Variants in VPS72 observed in about 807,000 individuals in gnomAD.
The protein encoded by VPS72 is vacuolar protein sorting-associated protein 72 homolog.
In VPS72, 27 loss-of-function variants were observed where a neutral mutation model predicts 38.9. The ratio of observed to expected loss-of-function variants is 0.69; its 90% CI spans 0.51 to 0.96. The LOEUF (loss-of-function observed/expected upper bound fraction) is 0.96, where lower values mean the gene tolerates loss of function less well. Ranked by LOEUF, VPS72 falls within the 40% of genes least tolerant of loss-of-function variation. The probability of loss-of-function intolerance (pLI) is 0.00; values close to 1 mark genes in which losing one functional copy is unlikely to be tolerated. For synonymous variants in VPS72, 173 were observed against 186.3 expected, an observed-to-expected ratio of 0.93 and a Z score of 0.58; for missense variants, 360 against 479.5, an observed-to-expected ratio of 0.75 and a Z score of 2.33.
rs1252438179 is a variant in VPS72 at position 151,176,696 on chromosome 1, G to C, written c.1043C>G (p.Pro348Arg). ...GGCTCGGGGCCCAGAGCCAGGGAGG[G>C]GCTCAGGAGGTGGCGGGCCGGGGCC... ...ALGPGPPPPE[P>R]LPGSGPRALR... Residue 348 changes from proline to arginine, a missense_variant, in exon 6 of 6, where the codon CCC (proline) becomes CGC (arginine). Around this residue, in one of 2 missense-constraint regions of VPS72, gnomAD observed 294 missense variants for 356.3 expected, o/e 0.83. Transcript: ENST00000368892. 1.2e-6 allele frequency: 2 copies of C among 1,614,134 alleles called. No individual in the cohort carries two copies. Among genetic ancestry groups the C allele is most frequent in the East Asian group, 4.5e-5 (2 of 44,886 alleles).
Position 151,184,626 on chromosome 1 carries a change from C to T in VPS72, c.386-133G>A, listed in dbSNP as rs959605587. ...TTTGAGATGGAATCTCGCTCTGTCG[C>T]CCAGGCTGGAGTACAGTGGCACGAT... On this transcript the variant is annotated intron_variant, in intron 3 of 5. Transcript: ENST00000368892. 15 of 1,036,460 alleles carry T rather than the reference C, an allele frequency of 1.4e-5. No homozygotes were observed. In the African/African-American group the frequency reaches 2.5e-4, roughly 17 times the overall value. The allele number at this position is 1,036,460 out of a possible 1,614,324, so 64.2% of individuals were successfully genotyped here.
intron 1 of VPS72, among the ~76,000 whole-genome samples, chr1:151,186,327 G>A (rs1380128133): frequency 6.6e-6 from 1 of 152,022 alleles, no homozygotes; most frequent in African/African-American, 2.4e-5. Flanking sequence ...GGGAGGCCGA[G>A]GTGGGCAGAT....
In VPS72 at chr1:151,177,977, C is replaced by G. The variant is rs1168206420; in HGVS notation, c.707+24G>C. The G allele has an allele frequency of 1.9e-6, 3 of 1,610,944 alleles. No individual in the cohort carries two copies. In the African/African-American group the frequency reaches 4.0e-5, roughly 22 times the overall value. ...AGAACATGAGCTGAACACACAATCT[C>G]TTTTCCTCTTGAGATTCACTCACCC... On this transcript the variant is annotated intron_variant, in intron 5 of 5. Coordinates refer to ENST00000368892, the MANE Select transcript of VPS72 (RefSeq NM_005997.3).
At chr1:151,188,847 T>C (rs1684403608) in intron 1 of VPS72, among the ~76,000 whole-genome samples, 2 of 152,210 alleles carry the variant, frequency 1.3e-5, no homozygotes, top group Non-Finnish European at 2.9e-5. Context: ...TTGTTTGTTT[T>C]TGAGACGGAG....
At chr1:151,189,388 C>T (rs1684414699) in intron 1 of VPS72, among the ~76,000 whole-genome samples, 1 of 152,222 alleles carries the variant, frequency 6.6e-6, no homozygotes, top group African/African-American at 2.4e-5. Context: ...CAGACCATCT[C>T]TAACTTTATA....
In VPS72 at chr1:151,176,645, C is replaced by A; in HGVS notation, c.1094G>T (p.Ter365LeuextTer4). ...RALRQKIVIK[*>L] Reference sequence around the variant, plus strand: ...AGTTTCTGAGGACTAGACATCTCTTCATTTAATGACAATTTTCTGGCGCAA... The same window carrying A: ...AGTTTCTGAGGACTAGACATCTCTTAATTTAATGACAATTTTCTGGCGCAA... Residue 365 changes from the stop codon to leucine, a stop_lost, in exon 6 of 6, where the codon TGA (stop) becomes TTA (leucine). Coordinates refer to ENST00000368892, the MANE Select transcript of VPS72 (RefSeq NM_005997.3). The A allele has an allele frequency of 6.2e-7, 1 of 1,613,110 alleles. No homozygotes were observed. The highest frequency in any genetic ancestry group is 8.5e-7 in the Non-Finnish European group (1 of 1,179,706).
Position 151,176,586 on chromosome 1 carries a change from G to A in VPS72, c.*58C>T, listed in dbSNP as rs1025783437. 45 of 1,567,996 alleles carry A rather than the reference G, an allele frequency of 2.9e-5. No homozygotes were observed. The East Asian group carries it at 3.2e-4, about 11-fold the overall frequency. ...AAGGGGAGAAGCAGGGAGAAGAAAC[G>A]GAACAGCAAGAGCCCCAATCAGGGC... On this transcript the variant is annotated 3_prime_UTR_variant, in exon 6 of 6. Coordinates refer to ENST00000368892, the MANE Select transcript of VPS72 (RefSeq NM_005997.3).
chr1:151,182,989 T>C (rs1434246539), intron 4 of VPS72, among the ~76,000 whole-genome samples: 2 of 152,186 alleles, frequency 1.3e-5, no homozygotes, highest in Admixed American at 1.3e-4. Context: ...GAACACCAGA[T>C]TTGCATATTT....
rs1336761876 is a variant in VPS72, at chr1:151,176,622, T to A, written c.*22A>T. The A allele has an allele frequency of 3.1e-6, 5 of 1,608,384 alleles. No individual in the cohort carries two copies. The highest frequency in any genetic ancestry group is 4.2e-6 in the Non-Finnish European group (5 of 1,177,114). On this transcript the variant is annotated 3_prime_UTR_variant, in exon 6 of 6. Transcript: ENST00000368892. ...AGCCCCAATCAGGGCAGGAAAGAAG[T>A]TTCTGAGGACTAGACATCTCTTCAT...
intron 5 of VPS72, among the ~76,000 whole-genome samples, 178 bp downstream of exon 5, chr1:151,177,823 A>T (rs966389990): frequency 6.6e-6 from 1 of 151,866 alleles, no homozygotes; most frequent in Admixed American, 6.6e-5. Context: ...AGCCTAGGTG[A>T]CAGAGCAGCA....
chr1:151,178,344 T>G, intron 4 of VPS72, among the ~76,000 whole-genome samples, 199 bp from the exon 5 acceptor site: 1 of 152,326 alleles, frequency 6.6e-6, no homozygotes, highest in East Asian at 1.9e-4. Flanking sequence ...TTTCTTGACA[T>G]CCTCTCTGCT....
rs760213998 is a variant in VPS72 at position 151,176,965 on chromosome 1, A to AG, written c.773dup (p.Ala259CysfsTer11). 6.2e-7 allele frequency: 1 copy of AG among 1,608,934 alleles called. No homozygotes were observed. Among genetic ancestry groups the AG allele is most frequent in the Non-Finnish European group, 8.5e-7 (1 of 1,176,482 alleles). On this transcript the variant is annotated frameshift_variant, in exon 6 of 6. Transcript: ENST00000368892. LOFTEE classifies it high-confidence loss of function. ...TGATGAAGGTACGTGAGCAGCGAGC[A>AG]GGGGGGTTGACGGGTCCAGTCCCAG...
chr1:151,183,653 G>A (rs775483257), intron 4 of VPS72, among the ~76,000 whole-genome samples: 1 of 151,796 alleles, frequency 6.6e-6, no homozygotes, highest in Non-Finnish European at 1.5e-5. Flanking sequence ...GTAGAGACAG[G>A]GTTTCACCAT....
At chr1:151,181,974 C>T (rs978854224) in intron 4 of VPS72, among the ~76,000 whole-genome samples, 2 of 152,214 alleles carry the variant, frequency 1.3e-5, no homozygotes, top group African/African-American at 4.8e-5. Context: ...CTTCCTTGGC[C>T]TCCCAAAGTG....
Position 151,185,795 on chromosome 1 carries a change from T to C in VPS72, c.270+3A>G, listed in dbSNP as rs775748824. The C allele has an allele frequency of 6.2e-7, 1 of 1,614,170 alleles. No individual in the cohort carries two copies. Among genetic ancestry groups the C allele is most frequent in the East Asian group, 2.2e-5 (1 of 44,888 alleles). On this transcript the variant is annotated splice_donor_region_variant and intron_variant, in intron 2 of 5. Coordinates refer to ENST00000368892, the MANE Select transcript of VPS72 (RefSeq NM_005997.3). ...TCCAAGACAACTAGGACTCCCCCTGTACCTTATAGGCCTTGGTGACTACTC... is the reference window on the plus strand; with the variant it reads ...TCCAAGACAACTAGGACTCCCCCTGCACCTTATAGGCCTTGGTGACTACTC...
At chr1:151,184,155 T>C (rs587645574) in intron 4 of VPS72, among the ~76,000 whole-genome samples, 162 bp downstream of exon 4, 1 of 152,358 alleles carries the variant, frequency 6.6e-6, no homozygotes, top group African/African-American at 2.4e-5. Flanking sequence ...TGCTCATAAC[T>C]GCCTAGACTC....
At chr1:151,184,598 T>C (rs1300888874) in intron 3 of VPS72, 105 bp from the exon 4 acceptor site, 22 of 1,286,666 alleles carry the variant, frequency 1.7e-5, no homozygotes, top group Non-Finnish European at 2.3e-5. Context: ...TTCTTTTTTT[T>C]TTTTTGAGAT....
At chr1:151,177,082 C>G (rs1423125970) in intron 5 of VPS72, 51 bp from the exon 6 acceptor site, 1 of 1,493,122 alleles carries the variant, frequency 6.7e-7, no homozygotes, top group Non-Finnish European at 8.9e-7. Flanking sequence ...GAGAAGACAA[C>G]AGATACAGAA....
At chr1:151,177,808 A>G (rs1684149700) in intron 5 of VPS72, among the ~76,000 whole-genome samples, 193 bp downstream of exon 5, 1 of 151,832 alleles carries the variant, frequency 6.6e-6, no homozygotes, top group South Asian at 2.1e-4. Flanking sequence ...GCACCACTGC[A>G]TTCCAGCCTA....
Sources: allele counts gnomAD v4.1 joint callset (sites outside exome capture counted in the v4.1 genomes callset), GRCh38; gene constraint gnomAD v4.1.1; regional missense constraint gnomAD v4.1.1; transcripts MANE v1.5; gene names NCBI Gene and HGNC (gene_info 2026-07-23, HGNC 2026-07-21).